Variants in PRIM2 observed in about 807,000 individuals in gnomAD.
PRIM2 encodes DNA primase large subunit.
Under a neutral mutation model 67.3 loss-of-function variants are expected in PRIM2, and 39 were observed. The ratio of observed to expected loss-of-function variants is 0.58; its 90% CI spans 0.45 to 0.76. PRIM2 has a LOEUF of 0.76. PRIM2 is among the 30% of genes least tolerant of loss of function. PRIM2 has a pLI of 0.00. For synonymous variants in PRIM2, 143 were observed against 198.7 expected, an observed-to-expected ratio of 0.72 and a Z score of 2.36; for missense variants, 398 against 598.7, an observed-to-expected ratio of 0.66 and a Z score of 3.50.
At chr6:57,341,602 T>C (rs528187260) in intron 5 of PRIM2, among the ~76,000 whole-genome samples, 3 of 152,320 alleles carry the variant, frequency 2.0e-5, no homozygotes, top group African/African-American at 7.2e-5. Context: ...TTTCCCAATT[T>C]TTATCATTTC....
the PRIM2 span, among the ~76,000 whole-genome samples, chr6:57,292,563 A>T: frequency 6.6e-6 from 1 of 152,234 alleles, no homozygotes; most frequent in Non-Finnish European, 1.5e-5. Flanking sequence ...AAAAGAACAA[A>T]GTTGGAGGCA....
chr6:57,638,665 G>A (rs1326651282), intron 13 of PRIM2, among the ~76,000 whole-genome samples: 7 of 150,566 alleles, frequency 4.6e-5, no homozygotes, highest in African/African-American at 9.8e-5. Context: ...AAAGAGAGAC[G>A]GGCATTACAT....
chr6:57,365,788 G>A lies in PRIM2; in HGVS notation c.460-14113G>A, dbSNP rs62417961. Among the ~76,000 whole-genome samples, 527 of 151,828 alleles carry A rather than the reference G, an allele frequency of 3.5e-3. 4 individuals carry two copies. Among genetic ancestry groups the A allele is most frequent in the Admixed American group, 9.3e-3 (142 of 15,232 alleles). On this transcript the variant is annotated intron_variant, in intron 5 of 13. Transcript: ENST00000615550. Reference sequence around the variant, plus strand: ...CAGCCTGGGTAACATAATGAGACCCGGTCTCTACAGAAAATTAAAAATCAG... The same window carrying A: ...CAGCCTGGGTAACATAATGAGACCCAGTCTCTACAGAAAATTAAAAATCAG...
intron 4 of PRIM2, among the ~76,000 whole-genome samples, chr6:57,325,682 G>C (rs1767826366): frequency 6.6e-6 from 1 of 152,160 alleles, no homozygotes; most frequent in South Asian, 2.1e-4. Flanking sequence ...AGCTAGTCTC[G>C]AAGCATTCTT....
intron 7 of PRIM2, among the ~76,000 whole-genome samples, chr6:57,426,605 T>C (rs1210373221): frequency 6.6e-6 from 1 of 152,210 alleles, no homozygotes; most frequent in African/African-American, 2.4e-5. Context: ...CTTGAATGGC[T>C]AAAATTTAAA....
the PRIM2 span, among the ~76,000 whole-genome samples, chr6:57,239,786 T>C: frequency 6.6e-6 from 1 of 152,134 alleles, no homozygotes; most frequent in Non-Finnish European, 1.5e-5. Context: ...CAAGGAGCCC[T>C]CCCTTAAGTG....
At chr6:57,446,168 G>A (rs549496095) in intron 7 of PRIM2, among the ~76,000 whole-genome samples, 74 of 152,242 alleles carry the variant, frequency 4.9e-4, no homozygotes, top group Non-Finnish European at 9.6e-4. Context: ...CATTGTTTCT[G>A]AAAAGACGTC....
chr6:57,540,185 G>A (rs1775117737), intron 10 of PRIM2, among the ~76,000 whole-genome samples: 1 of 152,060 alleles, frequency 6.6e-6, no homozygotes, highest in Non-Finnish European at 1.5e-5. Context: ...TCTTAAGTAG[G>A]TAGATGTATT....
upstream of PRIM2, among the ~76,000 whole-genome samples, chr6:57,313,587 A>C (rs1767426850): frequency 6.6e-6 from 1 of 152,174 alleles, no homozygotes; most frequent in Non-Finnish European, 1.5e-5. Flanking sequence ...AGAGAGAATG[A>C]AGTGCTTTCT....
chr6:57,429,572 G>A (rs528909930), intron 7 of PRIM2, among the ~76,000 whole-genome samples: 68 of 152,300 alleles, frequency 4.5e-4, no homozygotes, highest in African/African-American at 1.6e-3. Flanking sequence ...ATATGTTGAA[G>A]CCCTAACTTC....
At chr6:57,556,540 A>G (rs1167191522) in intron 10 of PRIM2, among the ~76,000 whole-genome samples, 1 of 152,262 alleles carries the variant, frequency 6.6e-6, no homozygotes, top group Non-Finnish European at 1.5e-5. Context: ...GGGGAAAAGG[A>G]CTGCCTATTC....
intron 5 of PRIM2, among the ~76,000 whole-genome samples, chr6:57,378,020 C>T (rs1417137644): frequency 3.3e-5 from 5 of 150,364 alleles, no homozygotes; most frequent in African/African-American, 1.2e-4. Flanking sequence ...AGGTTCCATT[C>T]AGTGATGTAA....
chr6:57,285,515 C>G, the PRIM2 span, among the ~76,000 whole-genome samples: 1 of 152,158 alleles, frequency 6.6e-6, no homozygotes, highest in Non-Finnish European at 1.5e-5. Flanking sequence ...GAACGAATGA[C>G]AAAAACCACA....
At chr6:57,356,648 T>C (rs1478725189) in intron 5 of PRIM2, among the ~76,000 whole-genome samples, 3 of 152,332 alleles carry the variant, frequency 2.0e-5, no homozygotes, top group East Asian at 1.9e-4. Context: ...AAATTGTTGC[T>C]AAACTGACAG....
At chr6:57,270,084 T>C in the PRIM2 span, among the ~76,000 whole-genome samples, 1 of 152,120 alleles carries the variant, frequency 6.6e-6, no homozygotes, top group Admixed American at 6.5e-5. Context: ...AGCTTTGTTC[T>C]TTTGGCTTAG....
chr6:57,568,645 T>C (rs1199725514), intron 10 of PRIM2, among the ~76,000 whole-genome samples: 5 of 152,224 alleles, frequency 3.3e-5, no homozygotes, highest in Middle Eastern at 3.2e-3. Flanking sequence ...GGAAAATGTA[T>C]AGAAAATTCT....
the PRIM2 span, among the ~76,000 whole-genome samples, chr6:57,266,052 G>A: frequency 1.3e-5 from 2 of 152,076 alleles, no homozygotes; most frequent in African/African-American, 4.8e-5. Context: ...CAAGCTCAGG[G>A]CTATTTATAA....
intron 10 of PRIM2, among the ~76,000 whole-genome samples, chr6:57,557,269 C>G (rs1256028122): frequency 6.8e-6 from 1 of 146,050 alleles, no homozygotes; most frequent in African/African-American, 2.5e-5. Context: ...ATGCTATTAC[C>G]GAGTATAAGA....
chr6:57,285,972 C>G, the PRIM2 span, among the ~76,000 whole-genome samples: 2 of 152,060 alleles, frequency 1.3e-5, no homozygotes, highest in African/African-American at 4.8e-5. Flanking sequence ...AATAGACAAA[C>G]AAAGAGCCAA....
Sources: gnomAD v4.1 joint callset for allele counts (sites outside exome capture counted in the v4.1 genomes callset) on GRCh38, gnomAD v4.1.1 for gene constraint, MANE v1.5 for transcripts, NCBI Gene and HGNC (gene_info 2026-07-23, HGNC 2026-07-21) for gene names.